Variants in FAM13B observed in about 807,000 individuals in gnomAD.
FAM13B encodes the protein family with sequence similarity 13 member B, also known as protein FAM13B.
A neutral mutation model predicts 117.3 loss-of-function variants in FAM13B; 60 were observed. The observed-to-expected ratio is 0.51, with a 90% confidence interval of 0.42 to 0.63. FAM13B has a LOEUF of 0.63. Ranked by LOEUF, FAM13B falls within the 30% of genes least tolerant of loss-of-function variation. FAM13B has a pLI of 0.00. For missense variants in FAM13B, 972 were observed against 1,091.9 expected (o/e 0.89, Z 1.55); for synonymous variants, 332 against 356.1 (o/e 0.93, Z 0.76).
chr5:137,985,133 T>C, intron 10 of FAM13B, 124 bp downstream of exon 10: 1 of 961,320 alleles, frequency 1.0e-6, no homozygotes, highest in South Asian at 1.6e-5. Context: ...TGTATATTCT[T>C]GGGGATTTAT....
intron 1 of FAM13B, among the ~76,000 whole-genome samples, chr5:138,047,472 C>CTG (rs912182942): frequency 2.0e-5 from 3 of 150,492 alleles, no homozygotes; most frequent in Non-Finnish European, 4.4e-5. Context: ...CACCACTGCA[C>CTG]TCCAGCCTGG....
chr5:137,975,435 G>A (rs1008377959), intron 10 of FAM13B, among the ~76,000 whole-genome samples: 6 of 152,058 alleles, frequency 3.9e-5, no homozygotes, highest in South Asian at 2.1e-4. Context: ...GTCACTTAAC[G>A]TACCTTCCTA....
intron 7 of FAM13B, among the ~76,000 whole-genome samples, chr5:137,992,847 GTGTTAA>G (rs1384873374): frequency 2.0e-5 from 3 of 152,180 alleles, no homozygotes; most frequent in Admixed American, 6.5e-5. Flanking sequence ...CTGAAGACAG[GTGTTAA>G]TGTCTTCATC....
chr5:137,966,486 T>TAGAG (rs1244578551), intron 10 of FAM13B, among the ~76,000 whole-genome samples: 460 of 43,940 alleles, frequency 0.01, no homozygotes, highest in African/African-American at 0.014. Flanking sequence ...TATATATATA[T>TAGAG]ATAGAGAGAG....
chr5:138,006,602 T>C (rs761526015), intron 7 of FAM13B, among the ~76,000 whole-genome samples: 1 of 152,234 alleles, frequency 6.6e-6, no homozygotes, highest in Non-Finnish European at 1.5e-5. Flanking sequence ...ACTATCTTAA[T>C]GGATCAGAGT....
At chr5:138,022,850 A>C (rs1341806050) in intron 1 of FAM13B, among the ~76,000 whole-genome samples, 3 of 150,030 alleles carry the variant, frequency 2.0e-5, no homozygotes, top group Non-Finnish European at 4.4e-5. Flanking sequence ...TTTTTTCGAG[A>C]CAGGGTCTCA....
At chr5:137,981,416 C>T (rs1160531295) in intron 10 of FAM13B, among the ~76,000 whole-genome samples, 12 of 151,972 alleles carry the variant, frequency 7.9e-5, no homozygotes, top group African/African-American at 2.2e-4. Context: ...CACTGCACTC[C>T]AGCCTGGGAA....
chr5:138,001,474 C>A (rs1246609521), intron 7 of FAM13B, among the ~76,000 whole-genome samples: 1 of 152,118 alleles, frequency 6.6e-6, no homozygotes, highest in Non-Finnish European at 1.5e-5. Flanking sequence ...TAATTTTAAT[C>A]ATATTAAATT....
rs1384129318 is a variant in FAM13B, at chr5:137,938,067, G to A, written c.*2158C>T. ...TATATCTATATATTATTTGTATATAGATATACAGTTTTTATTTGTACCAAA... is the reference window on the plus strand; with the variant it reads ...TATATCTATATATTATTTGTATATAAATATACAGTTTTTATTTGTACCAAA... On this transcript the variant is annotated 3_prime_UTR_variant, in exon 24 of 24. Coordinates refer to ENST00000689681, the MANE Select transcript of FAM13B (RefSeq NM_001385994.1). The A allele has an allele frequency of 6.6e-6, 1 of 152,068 alleles. No individual in the cohort carries two copies. The highest frequency in any genetic ancestry group is 1.9e-4 in the East Asian group (1 of 5,194). 9.4% of individuals were successfully genotyped at this position (152,068 alleles called of 1,614,324 possible).
rs1157959409 is a variant in FAM13B, at chr5:137,945,950, G to A, written c.2292C>T (p.Tyr764=). 4 of 1,613,446 alleles carry A rather than the reference G, an allele frequency of 2.5e-6. No individual in the cohort carries two copies. ...TTGTCAGCATTTGTTTTACAAGCCT[G>A]TATCTATCATAGAGAGGTTTAACAA... ...RHIVKPLYDR[Y]RLVKQMLTRA... Residue 764 remains tyrosine (Y), a synonymous_variant, in exon 20 of 24, where the codon TAC becomes TAT. Coordinates refer to ENST00000689681, the MANE Select transcript of FAM13B (RefSeq NM_001385994.1).
chr5:137,991,643 A>G (rs1778623857), intron 7 of FAM13B, among the ~76,000 whole-genome samples: 1 of 152,246 alleles, frequency 6.6e-6, no homozygotes, highest in Non-Finnish European at 1.5e-5. Flanking sequence ...TATGCACTTC[A>G]TTTAGAACAA....
chr5:137,968,438 CAAAA>C (rs1158179498), intron 10 of FAM13B, among the ~76,000 whole-genome samples: 1 of 57,938 alleles, frequency 1.7e-5, no homozygotes. Context: ...GACTCTGTCT[CAAAA>C]AAAAAAAAAA....
Position 137,972,685 on chromosome 5 carries a change from C to T in FAM13B, c.1180-10216G>A, listed in dbSNP as rs1037902167. 2.9e-4 allele frequency among the ~76,000 whole-genome samples: 44 copies of T among 151,886 alleles called. No individual in the cohort carries two copies. The South Asian group carries it at 3.3e-3, about 11-fold the overall frequency. On this transcript the variant is annotated intron_variant, in intron 10 of 23. Transcript: ENST00000689681. Reference sequence around the variant, plus strand: ...AAGTCAAATTGTCCCGGTTTGCAGACGACATGATTGTATATCTAGAAAACC... The same window carrying T: ...AAGTCAAATTGTCCCGGTTTGCAGATGACATGATTGTATATCTAGAAAACC...
intron 7 of FAM13B, among the ~76,000 whole-genome samples, chr5:137,992,364 C>T (rs1778816752): frequency 6.7e-6 from 1 of 149,972 alleles, no homozygotes; most frequent in East Asian, 2.0e-4. Flanking sequence ...GAGGCTAAGG[C>T]GGGCAGATCA....
chr5:137,950,171 T>C (rs1002631779), intron 17 of FAM13B, among the ~76,000 whole-genome samples: 1 of 152,172 alleles, frequency 6.6e-6, no homozygotes, highest in African/African-American at 2.4e-5. Context: ...CTTTAAAGAA[T>C]GCTATGATCT....
intron 7 of FAM13B, among the ~76,000 whole-genome samples, chr5:137,995,723 G>C (rs575279971): frequency 6.6e-6 from 1 of 152,236 alleles, no homozygotes; most frequent in East Asian, 1.9e-4. Context: ...ATTTCTCACT[G>C]TTACAAAGTT....
At chr5:137,944,072 C>T (rs922334754) in intron 20 of FAM13B, among the ~76,000 whole-genome samples, 11 of 152,142 alleles carry the variant, frequency 7.2e-5, no homozygotes, top group Non-Finnish European at 1.5e-4. Context: ...AATTCTGTCT[C>T]TATGGTCTTG....
chr5:137,964,937 C>T (rs770143147), intron 10 of FAM13B, among the ~76,000 whole-genome samples: 10 of 151,990 alleles, frequency 6.6e-5, no homozygotes, highest in Non-Finnish European at 1.3e-4. Flanking sequence ...GAGGCCAAGG[C>T]GGATGGATCA....
intron 15 of FAM13B, 125 bp downstream of exon 15, chr5:137,954,041 C>CTTTTTTTT: frequency 2.6e-6 from 1 of 388,206 alleles, no homozygotes; most frequent in South Asian, 3.1e-5. Flanking sequence ...CAATCTCTCT[C>CTTTTTTTT]TTTTTTTTTT....
Sources: allele counts gnomAD v4.1 joint callset (sites outside exome capture counted in the v4.1 genomes callset), GRCh38; gene constraint gnomAD v4.1.1; transcripts MANE v1.5; gene names NCBI Gene and HGNC (gene_info 2026-07-23, HGNC 2026-07-21).